PTPRM: variants seen among roughly 807,000 people sequenced by gnomAD.
The protein encoded by PTPRM is receptor-type tyrosine-protein phosphatase mu.
Under a neutral mutation model 186.7 loss-of-function variants are expected in PTPRM, and 47 were observed. The observed-to-expected ratio is 0.25, with a 90% CI of 0.20 to 0.32. The LOEUF is 0.32. Among genes scored for constraint, PTPRM ranks in the 10% least tolerant of loss-of-function variants. PTPRM has a pLI of 1.00. For synonymous variants in PTPRM, 668 were observed against 674.9 expected (o/e 0.99, Z 0.16); for missense variants, 1,494 against 1,865.0 (o/e 0.80, Z 3.66).
In PTPRM at chr18:8,406,171, A is replaced by G; in HGVS notation, c.*9A>G. The stretch of plus-strand genomic sequence containing the variant: ...ACTTGAATTCTGGCTGATGGTGTAA[A>G]CAGCTCTGCAAACAATCCCTTTCAT... On this transcript the variant is annotated 3_prime_UTR_variant, in exon 33 of 33. Coordinates refer to ENST00000580170, the MANE Select transcript of PTPRM (RefSeq NM_001105244.2). 1 of 1,613,026 alleles carries G rather than the reference A, an allele frequency of 6.2e-7. No individual in the cohort carries two copies. Among genetic ancestry groups the G allele is most frequent in the Non-Finnish European group, 8.5e-7 (1 of 1,179,136 alleles).
In PTPRM at chr18:7,567,888, T is replaced by C; in HGVS notation, c.70T>C (p.Ser24Pro). 1 of 1,557,628 alleles carries C rather than the reference T, an allele frequency of 6.4e-7. No homozygotes were observed. Among genetic ancestry groups the C allele is most frequent in the Non-Finnish European group, 8.6e-7 (1 of 1,157,128 alleles). ...GCTAACTGCGGCGGGCGAGACGTTC[T>C]CAGGTAAGCGGGACCGCCTCTGCCG... Reference protein sequence around the residue: ...LLLTAAGETFSGGCLFDEPYS... With the variant: ...LLLTAAGETFPGGCLFDEPYS... Residue 24 changes from serine (S) to proline (P), a missense_variant, in exon 1 of 33, where the codon TCA becomes CCA. By Grantham distance (74) the Ser-to-Pro change is moderately conservative. Transcript: ENST00000580170. The surrounding 1 kb of genome is among the most constrained non-coding windows in gnomAD (Gnocchi z 4.3).
At chr18:8,124,311 AAAT>A (rs1353706322) in intron 13 of PTPRM, among the ~76,000 whole-genome samples, 1 of 152,210 alleles carries the variant, frequency 6.6e-6, no homozygotes, top group African/African-American at 2.4e-5. Flanking sequence ...ATTCACACTC[AAAT>A]AATATTTCTT....
At chr18:8,011,597 T>C (rs2084531380) in intron 7 of PTPRM, among the ~76,000 whole-genome samples, 1 of 152,342 alleles carries the variant, frequency 6.6e-6, no homozygotes, top group East Asian at 1.9e-4. Context: ...TGCAGAAATA[T>C]GAGACTTGTT....
chr18:7,960,578 C>T (rs780909880), intron 7 of PTPRM, among the ~76,000 whole-genome samples: 2 of 151,398 alleles, frequency 1.3e-5, no homozygotes, highest in Non-Finnish European at 1.5e-5. Context: ...TAGCAAGACT[C>T]CATTGCTACA....
At chr18:7,866,256 C>G (rs1393744848) in intron 2 of PTPRM, among the ~76,000 whole-genome samples, 1 of 152,084 alleles carries the variant, frequency 6.6e-6, no homozygotes, top group Non-Finnish European at 1.5e-5. Flanking sequence ...TCTTGCTTCT[C>G]TAGTTCTTTT....
intron 23 of PTPRM, among the ~76,000 whole-genome samples, chr18:8,356,243 C>A (rs1006784536): frequency 1.4e-4 from 22 of 152,128 alleles, no homozygotes; most frequent in Non-Finnish European, 2.5e-4. Flanking sequence ...AGGAGTGCAG[C>A]TGTAAACAGA....
chr18:8,072,524 A>C (rs1342900503), intron 8 of PTPRM, among the ~76,000 whole-genome samples: 1 of 152,198 alleles, frequency 6.6e-6, no homozygotes, highest in African/African-American at 2.4e-5. Context: ...CCCCTCCAAA[A>C]AAAATACTTC....
chr18:7,906,405 G>T (rs1349647014), intron 3 of PTPRM, 100 bp from the exon 4 acceptor site: 1 of 843,956 alleles, frequency 1.2e-6, no homozygotes, highest in African/African-American at 1.7e-5. Flanking sequence ...TGAATGAATT[G>T]GTGAAAGAAT....
intron 14 of PTPRM, among the ~76,000 whole-genome samples, chr18:8,213,820 C>T (rs1439363825): frequency 6.6e-6 from 1 of 152,166 alleles, no homozygotes; most frequent in Non-Finnish European, 1.5e-5. Context: ...CTTGTCACTG[C>T]ACTGTTCACA....
intron 4 of PTPRM, among the ~76,000 whole-genome samples, chr18:7,908,852 C>T (rs960323773): frequency 6.6e-6 from 1 of 152,172 alleles, no homozygotes; most frequent in African/African-American, 2.4e-5. Context: ...GAGTAATAGC[C>T]TCCAGCTAGA....
intron 2 of PTPRM, among the ~76,000 whole-genome samples, chr18:7,846,188 C>A (rs2046585003): frequency 6.6e-6 from 1 of 152,128 alleles, no homozygotes; most frequent in South Asian, 2.1e-4. Flanking sequence ...GAGGGATGTA[C>A]ATCAGAGTGT....
chr18:8,020,677 C>G (rs555801569), intron 7 of PTPRM, among the ~76,000 whole-genome samples: 238 of 152,280 alleles, frequency 1.6e-3, no homozygotes, highest in African/African-American at 5.3e-3. Flanking sequence ...ACAGCCCAAT[C>G]ATGGTTTATT....
chr18:7,642,746 TGTGA>T (rs1010497754), intron 1 of PTPRM, among the ~76,000 whole-genome samples: 7 of 151,804 alleles, frequency 4.6e-5, no homozygotes, highest in Non-Finnish European at 7.4e-5. Context: ...TTGTAAATAC[TGTGA>T]GTATTTTTCA....
chr18:8,050,302 A>G (rs953963166), intron 7 of PTPRM, among the ~76,000 whole-genome samples: 3 of 152,354 alleles, frequency 2.0e-5, no homozygotes, highest in East Asian at 3.9e-4. Flanking sequence ...CGATAAGAGC[A>G]TGAATTAGAA....
At chr18:7,583,017 T>G (rs1304580693) in intron 1 of PTPRM, among the ~76,000 whole-genome samples, 1 of 152,226 alleles carries the variant, frequency 6.6e-6, no homozygotes, top group Non-Finnish European at 1.5e-5. Flanking sequence ...GGTCATCCTG[T>G]GTAAAACACA....
intron 19 of PTPRM, among the ~76,000 whole-genome samples, chr18:8,264,040 C>T (rs2094668097): frequency 6.6e-6 from 1 of 152,116 alleles, no homozygotes; most frequent in South Asian, 2.1e-4. Context: ...TCTTGTGGGA[C>T]TGAGGCCTCA....
intron 11 of PTPRM, among the ~76,000 whole-genome samples, chr18:8,094,974 T>C (rs1329993666): frequency 6.6e-6 from 1 of 152,192 alleles, no homozygotes; most frequent in African/African-American, 2.4e-5. Flanking sequence ...TCTCTGAGCC[T>C]GGGCTTGCCT....
chr18:8,389,836 G>A (rs1188151239), intron 31 of PTPRM, among the ~76,000 whole-genome samples: 1 of 152,164 alleles, frequency 6.6e-6, no homozygotes, highest in Non-Finnish European at 1.5e-5. Flanking sequence ...GCCACCTAAC[G>A]GCTGTGGGTG....
chr18:8,020,185 TAAATA>T (rs1272974301), intron 7 of PTPRM, among the ~76,000 whole-genome samples: 1 of 152,200 alleles, frequency 6.6e-6, no homozygotes, highest in Non-Finnish European at 1.5e-5. Flanking sequence ...ACTTTTTACT[TAAATA>T]AAACTGCACT....
Sources: gnomAD v4.1 joint callset for allele counts (sites outside exome capture counted in the v4.1 genomes callset) on GRCh38, gnomAD v4.1.1 for gene constraint, Gnocchi (gnomAD v3.1) non-coding constraint, MANE v1.5 for transcripts, NCBI Gene and HGNC (gene_info 2026-07-23, HGNC 2026-07-21) for gene names.